The following COP1 variants were observed in gnomAD, a reference collection of about 807,000 sequenced individuals.
COP1 encodes the protein E3 ubiquitin-protein ligase COP1.
A neutral mutation model predicts 101.3 loss-of-function variants in COP1; 24 were observed. The ratio of observed to expected loss-of-function variants is 0.24; its 90% CI spans 0.17 to 0.33. COP1 has a LOEUF of 0.33. Among genes scored for constraint, COP1 ranks in the 10% least tolerant of loss-of-function variants. The pLI is 1.00. For synonymous variants in COP1, 347 were observed against 341.9 expected (o/e 1.01, Z -0.17); for missense variants, 663 against 906.2 (o/e 0.73, Z 3.45).
intron 11 of COP1, among the ~76,000 whole-genome samples, chr1:176,057,545 C>T (rs866515803): frequency 4.3e-4 from 65 of 152,312 alleles, no homozygotes; most frequent in African/African-American, 1.4e-3. Flanking sequence ...CTGTGTTGGC[C>T]GGGCTGGTCT....
intron 14 of COP1, among the ~76,000 whole-genome samples, chr1:176,034,097 C>G (rs1669080485): frequency 6.6e-6 from 1 of 152,088 alleles, no homozygotes. Flanking sequence ...AAAACAAAAG[C>G]AACTATATGA....
At chr1:176,020,622 A>G (rs961720708) in intron 15 of COP1, among the ~76,000 whole-genome samples, 1 of 152,192 alleles carries the variant, frequency 6.6e-6, no homozygotes, top group African/African-American at 2.4e-5. Flanking sequence ...GGCTGCAGTG[A>G]TCCAAGACTG....
In COP1 at chr1:176,144,435, G is replaced by C. The variant is rs572868220; in HGVS notation, c.831+4571C>G. On this transcript the variant is annotated intron_variant, in intron 6 of 19. Transcript: ENST00000367669. The stretch of plus-strand genomic sequence containing the variant: ...ATAAAAATTTTAAGGCTATTTTAAA[G>C]ATCTAAATATAGAGGGAAGTACCAC... 2.5e-4 allele frequency among the ~76,000 whole-genome samples: 38 copies of C among 152,180 alleles called. No homozygotes were observed. The South Asian group carries it at 7.7e-3, about 31-fold the overall frequency.
chr1:176,068,523 C>T (rs1427375668), intron 11 of COP1, among the ~76,000 whole-genome samples: 2 of 152,196 alleles, frequency 1.3e-5, no homozygotes, highest in Non-Finnish European at 2.9e-5. Context: ...GTAGTATTTA[C>T]AACATGCCAT....
At chr1:176,120,637 T>C (rs991086101) in intron 8 of COP1, among the ~76,000 whole-genome samples, 6 of 152,216 alleles carry the variant, frequency 3.9e-5, no homozygotes, top group Admixed American at 1.3e-4. Flanking sequence ...AAAGAAATTC[T>C]GCTATGCAAG....
At chr1:176,057,817 C>A (rs1264924214) in intron 11 of COP1, among the ~76,000 whole-genome samples, 4 of 151,290 alleles carry the variant, frequency 2.6e-5, no homozygotes, top group African/African-American at 2.4e-5. Context: ...TGTGAGGAGC[C>A]CCTCTGCCTG....
intron 8 of COP1, among the ~76,000 whole-genome samples, chr1:176,117,894 C>T (rs1686477118): frequency 6.6e-6 from 1 of 150,572 alleles, no homozygotes; most frequent in African/African-American, 2.5e-5. Context: ...GACTCTGTCT[C>T]GAAAAACAAA....
chr1:176,013,280 T>C (rs1364553285), intron 15 of COP1, among the ~76,000 whole-genome samples: 2 of 152,036 alleles, frequency 1.3e-5, no homozygotes, highest in Non-Finnish European at 2.9e-5. Flanking sequence ...CAAAAATATA[T>C]GATTATAGTA....
chr1:176,145,469 T>C (rs1044325546), intron 6 of COP1, among the ~76,000 whole-genome samples: 10 of 152,196 alleles, frequency 6.6e-5, no homozygotes, highest in African/African-American at 2.4e-4. Context: ...AATTTGAAGA[T>C]ACACATATCC....
At chr1:176,197,622 T>A (rs570353831) in intron 1 of COP1, among the ~76,000 whole-genome samples, 1 of 152,260 alleles carries the variant, frequency 6.6e-6, no homozygotes, top group African/African-American at 2.4e-5. Flanking sequence ...CAGACCAGTA[T>A]CACTCACTAA....
intron 1 of COP1, among the ~76,000 whole-genome samples, chr1:176,204,070 T>C (rs1381394942): frequency 1.3e-5 from 2 of 152,188 alleles, no homozygotes; most frequent in Non-Finnish European, 2.9e-5. Flanking sequence ...TAAGAACCAC[T>C]GGGCTAAATA....
At chr1:176,206,413 G>C in intron 1 of COP1, 159 bp downstream of exon 1, 1 of 752,264 alleles carries the variant, frequency 1.3e-6, no homozygotes, top group East Asian at 3.0e-5. Flanking sequence ...CCAGGAGCTC[G>C]AATGCCTGCA....
Position 176,057,748 on chromosome 1 carries a change from G to A in COP1, c.1278-11424C>T, listed in dbSNP as rs532851529. On this transcript the variant is annotated intron_variant, in intron 11 of 19. Coordinates refer to ENST00000367669, the MANE Select transcript of COP1 (RefSeq NM_022457.7). ...AGTGCCGAGATTGCAGCCTCTGCCC[G>A]GCTGCCACCCCATCTGGGAAGTGAG... Among the ~76,000 whole-genome samples the A allele has an allele frequency of 1.7e-4, 26 of 151,066 alleles. No individual in the cohort carries two copies. The East Asian group carries it at 4.5e-3, about 26-fold the overall frequency.
intron 17 of COP1, 135 bp downstream of exon 17, chr1:175,988,153 G>C: frequency 1.4e-6 from 1 of 738,520 alleles, no homozygotes; most frequent in Non-Finnish European, 2.1e-6. Flanking sequence ...AGTAGTGCTG[G>C]GGCATCATGT....
chr1:176,032,061 AAGAAAG>A (rs1258552000), intron 14 of COP1, among the ~76,000 whole-genome samples: 1 of 152,204 alleles, frequency 6.6e-6, no homozygotes, highest in Non-Finnish European at 1.5e-5. Context: ...TTCATTACCA[AAGAAAG>A]AGAAAACAGG....
At chr1:176,134,343 A>G (rs1365165547) in intron 8 of COP1, among the ~76,000 whole-genome samples, 2 of 152,012 alleles carry the variant, frequency 1.3e-5, no homozygotes, top group Non-Finnish European at 2.9e-5. Flanking sequence ...AAAATTCAAA[A>G]CTCAAGATTC....
At chr1:175,968,536 C>A in intron 18 of COP1, 1 of 517,048 alleles carries the variant, frequency 1.9e-6, no homozygotes, top group Non-Finnish European at 3.9e-6. Flanking sequence ...CCAGCAGCTT[C>A]CATTTCTGGT....
At position 175,989,432 on chromosome 1, in the gene COP1, T is replaced by C; in HGVS notation, c.1777A>G (p.Met593Val). The change falls in exon 16 of 20, where the codon ATG becomes GTG. Residue 593 changes from methionine (M) to valine (V), a missense_variant. Met to Val is a conservative substitution (Grantham distance 21). Transcript: ENST00000367669. ...GCTTTACGGTGTCCTTTGAATACCA[T>C]GATTGGCTGTTTAGTGTTACGAAGA... ...YDLRNTKQPI[M>V]VFKGHRKAVS... The C allele has an allele frequency of 1.2e-6, 2 of 1,610,090 alleles. No homozygotes were observed. Among genetic ancestry groups the C allele is most frequent in the Non-Finnish European group, 1.7e-6 (2 of 1,176,372 alleles).
At chr1:176,159,250 A>T (rs186234292) in intron 5 of COP1, among the ~76,000 whole-genome samples, 45 of 152,356 alleles carry the variant, frequency 3.0e-4, no homozygotes, top group African/African-American at 1.0e-3. Context: ...ATGGACACAA[A>T]ATATGAATAG....
Sources: allele counts gnomAD v4.1 joint callset (sites outside exome capture counted in the v4.1 genomes callset), GRCh38; gene constraint gnomAD v4.1.1; transcripts MANE v1.5; gene names NCBI Gene and HGNC (gene_info 2026-07-23, HGNC 2026-07-21).